Variants in NCOA2 observed in about 807,000 individuals in gnomAD.
NCOA2 encodes nuclear receptor coactivator 2, also known as class E basic helix-loop-helix protein 75.
Under a neutral mutation model 145.1 loss-of-function variants are expected in NCOA2, and 21 were observed. That is an observed-to-expected ratio of 0.14 (90% CI 0.10 to 0.21). NCOA2 has a LOEUF of 0.21. Among genes scored for constraint, NCOA2 ranks in the 10% least tolerant of loss-of-function variants. The pLI, the probability that NCOA2 is intolerant of heterozygous loss-of-function variation, is 1.00. For synonymous variants in NCOA2, 619 were observed against 637.5 expected (o/e 0.97, Z 0.44); for missense variants, 1,472 against 1,837.6 (o/e 0.80, Z 3.64).
intron 1 of NCOA2, among the ~76,000 whole-genome samples, chr8:70,323,344 G>A (rs566093777): frequency 1.6e-4 from 24 of 152,274 alleles, no homozygotes; most frequent in African/African-American, 4.6e-4. Flanking sequence ...TTTTAAAAAC[G>A]AGAAAGAATA....
At position 70,142,427 on chromosome 8, in the gene NCOA2, G is replaced by A. The variant is rs554292608; in HGVS notation, c.2813-1028C>T. On this transcript the variant is annotated intron_variant, in intron 13 of 22. Coordinates refer to ENST00000452400, the MANE Select transcript of NCOA2 (RefSeq NM_006540.4). ...ATTTTAAAGTTAAGAGGCCAGGCGC[G>A]GTGGCTCATGTCTGTAATCCCAGCA... is the stretch of plus-strand genomic sequence containing the variant. Among the ~76,000 whole-genome samples, 6 of 152,296 alleles carry A rather than the reference G, an allele frequency of 3.9e-5. No individual in the cohort carries two copies. The South Asian group carries it at 8.3e-4, about 21-fold the overall frequency.
chr8:70,339,483 A>G (rs1292757960), intron 1 of NCOA2, among the ~76,000 whole-genome samples: 1 of 152,212 alleles, frequency 6.6e-6, no homozygotes, highest in South Asian at 2.1e-4. Flanking sequence ...GGAAAATTCA[A>G]TATTATGAAA....
At chr8:70,173,979 A>G (rs955208924) in intron 5 of NCOA2, among the ~76,000 whole-genome samples, 1 of 152,198 alleles carries the variant, frequency 6.6e-6, no homozygotes, top group African/African-American at 2.4e-5. Context: ...CAGTCTTTTC[A>G]ACCTCATCGT....
intron 1 of NCOA2, among the ~76,000 whole-genome samples, chr8:70,397,732 G>T (rs192893236): frequency 6.6e-5 from 10 of 152,226 alleles, no homozygotes; most frequent in African/African-American, 2.2e-4. Flanking sequence ...AAAACAAAAA[G>T]AATTATAAAT....
the NCOA2 span, among the ~76,000 whole-genome samples, chr8:70,410,055 C>A: frequency 6.6e-6 from 1 of 151,952 alleles, no homozygotes; most frequent in Non-Finnish European, 1.5e-5. Flanking sequence ...ACTAAAAATA[C>A]AAAAATTAGC....
At chr8:70,294,402 T>A (rs562853637) in intron 2 of NCOA2, among the ~76,000 whole-genome samples, 1 of 152,304 alleles carries the variant, frequency 6.6e-6, no homozygotes, top group Non-Finnish European at 1.5e-5. Flanking sequence ...TAATAGCATA[T>A]CATGTTTACA....
chr8:70,317,154 T>A (rs1346065814), intron 1 of NCOA2, among the ~76,000 whole-genome samples: 1 of 152,220 alleles, frequency 6.6e-6, no homozygotes, highest in Non-Finnish European at 1.5e-5. Flanking sequence ...GAGGGTGTGA[T>A]CTCCAGGTTT....
chr8:70,222,360 T>C (rs1173107494), intron 2 of NCOA2, among the ~76,000 whole-genome samples: 4 of 152,208 alleles, frequency 2.6e-5, no homozygotes, highest in African/African-American at 9.6e-5. Context: ...AAATAACATA[T>C]CCTGCAACCA....
At chr8:70,374,746 G>A (rs1418277968) in intron 1 of NCOA2, among the ~76,000 whole-genome samples, 6 of 150,516 alleles carry the variant, frequency 4.0e-5, no homozygotes, top group Non-Finnish European at 1.5e-5. Flanking sequence ...AGGCTGCAGT[G>A]AGCTATGATC....
chr8:70,141,341 C>T lies in NCOA2; in HGVS notation c.2871G>A (p.Gln957=). 6.2e-7 allele frequency: 1 copy of T among 1,613,944 alleles called. No individual in the cohort carries two copies. The highest frequency in any genetic ancestry group is 1.7e-5 in the Admixed American group (1 of 60,012). Reference sequence around the variant, plus strand: ...CACAGGTGACTCTCACAGCCGAACTCTGCGGTGCCCATTCTCCAGATGGCA... The same window carrying T: ...CACAGGTGACTCTCACAGCCGAACTTTGCGGTGCCCATTCTCCAGATGGCA... ...PTMPSGEWAP[Q]SSAVRVTCAA... Residue 957 remains glutamine, a synonymous_variant, in exon 14 of 23, where the codon CAG becomes CAA. Transcript: ENST00000452400.
intron 4 of NCOA2, among the ~76,000 whole-genome samples, chr8:70,200,714 A>T (rs531860853): frequency 2.6e-5 from 4 of 152,290 alleles, no homozygotes; most frequent in Admixed American, 2.0e-4. Context: ...AGGTAACTAT[A>T]ATAGTCAAAT....
At chr8:70,281,587 C>CCCCA (rs1825888718) in intron 2 of NCOA2, among the ~76,000 whole-genome samples, 1 of 152,056 alleles carries the variant, frequency 6.6e-6, no homozygotes, top group Non-Finnish European at 1.5e-5. Context: ...ACTCATCACC[C>CCCCA]CCCACCTCTT....
At chr8:70,187,586 TAA>T (rs1010041597) in intron 4 of NCOA2, among the ~76,000 whole-genome samples, 5 of 152,186 alleles carry the variant, frequency 3.3e-5, no homozygotes, top group Non-Finnish European at 7.4e-5. Context: ...TATGGATGGA[TAA>T]GTCAAAAACG....
chr8:70,148,115 T>C (rs776022916), intron 12 of NCOA2, among the ~76,000 whole-genome samples, 158 bp downstream of exon 12: 11 of 152,198 alleles, frequency 7.2e-5, no homozygotes, highest in Non-Finnish European at 1.5e-4. Flanking sequence ...AGGATCCATT[T>C]TGAATACTGT....
chr8:70,124,165 G>A (rs1585729719), intron 20 of NCOA2, 83 bp from the exon 21 acceptor site: 4 of 1,313,934 alleles, frequency 3.0e-6, no homozygotes, highest in Non-Finnish European at 3.2e-6. Context: ...TGTTTCTCAG[G>A]CGTTTACTCT....
chr8:70,379,079 T>C (rs978861803), intron 1 of NCOA2, among the ~76,000 whole-genome samples: 6 of 151,944 alleles, frequency 3.9e-5, no homozygotes, highest in African/African-American at 1.5e-4. Context: ...GGAAGAAGTC[T>C]ATCCCAAGAT....
At chr8:70,414,988 T>C in the NCOA2 span, among the ~76,000 whole-genome samples, 4,907 of 152,142 alleles carry the variant, frequency 0.032, 255 homozygotes, top group African/African-American at 0.11. Context: ...CAGTGAAAAT[T>C]TGTTCAGTTT....
chr8:70,258,929 AG>A (rs1370675232), intron 2 of NCOA2, among the ~76,000 whole-genome samples: 2 of 152,324 alleles, frequency 1.3e-5, no homozygotes, highest in Middle Eastern at 3.4e-3. Flanking sequence ...CCTGGCATTC[AG>A]GGGCCTCTGC....
At chr8:70,365,156 A>C (rs1447730777) in intron 1 of NCOA2, among the ~76,000 whole-genome samples, 1 of 152,110 alleles carries the variant, frequency 6.6e-6, no homozygotes, top group African/African-American at 2.4e-5. Context: ...AAAATGACGA[A>C]ACCCCATCTC....
Sources: allele counts gnomAD v4.1 joint callset (sites outside exome capture counted in the v4.1 genomes callset), GRCh38; gene constraint gnomAD v4.1.1; transcripts MANE v1.5; gene names NCBI Gene and HGNC (gene_info 2026-07-23, HGNC 2026-07-21).